The following PXN variants were observed in gnomAD, a reference collection of about 807,000 sequenced individuals.
The protein encoded by PXN is testicular tissue protein Li 134.
PXN carries 61 observed loss-of-function variants against 103.6 expected under a neutral mutation model. The ratio of observed to expected loss-of-function variants is 0.59; its 90% CI spans 0.48 to 0.73. PXN has a LOEUF of 0.73. Ranked by LOEUF, PXN falls within the 30% of genes least tolerant of loss-of-function variation. The pLI is 0.00. For missense variants in PXN, 1,274 were observed against 1,460.3 expected (o/e 0.87, Z 2.08); for synonymous variants, 562 against 607.8 (o/e 0.92, Z 1.11).
At chr12:120,223,032 G>T in intron 3 of PXN, 33 bp from the exon 4 acceptor site, 1 of 1,613,892 alleles carries the variant, frequency 6.2e-7, no homozygotes, top group East Asian at 2.2e-5. Context: ...GATAGTGAGA[G>T]ATGCTTTCTG....
rs999951025 is a variant in PXN, at chr12:120,217,592, T to G, written c.1717-476A>C. Among the ~76,000 whole-genome samples the G allele has an allele frequency of 4.6e-5, 7 of 151,494 alleles. No homozygotes were observed. The highest frequency in any genetic ancestry group is 7.3e-5 in the African/African-American group (3 of 41,282). ...GTGTTTCCTTCCAGGAACTTTTTTT[T>G]GGGGGGGGACAGAGTCTCGCTCTGT... On this transcript the variant is annotated intron_variant, in intron 7 of 14. Coordinates refer to ENST00000637617, the MANE Select transcript of PXN (RefSeq NM_001385981.1). The surrounding 1 kb of genome is among the most constrained non-coding windows in gnomAD (Gnocchi z 4.1).
At position 120,265,698 on chromosome 12, in the gene PXN, G is replaced by A. The variant is rs1475576323; in HGVS notation, c.-69C>T. ...TCCCGGGGCCGCTCGTCTATGCCCC[G>A]CAACTTTTCCGCCGCGAGCCTCGGC... is the stretch of plus-strand genomic sequence containing the variant. On this transcript the variant is annotated 5_prime_UTR_variant, in exon 1 of 15. Coordinates refer to ENST00000637617, the MANE Select transcript of PXN (RefSeq NM_001385981.1). This position sits in a 1 kb window ranked among gnomAD's most constrained non-coding sequence, Gnocchi z 5.7. The A allele has an allele frequency of 7.0e-6, 9 of 1,294,470 alleles. No homozygotes were observed. The South Asian group carries it at 1.4e-4, about 20-fold the overall frequency. The allele number at this position is 1,294,470 out of a possible 1,614,324, so 80.2% of individuals were successfully genotyped here.
In PXN at chr12:120,216,637, A is replaced by G; in HGVS notation, c.1993-56T>C. The G allele has an allele frequency of 6.5e-7, 1 of 1,545,146 alleles. No homozygotes were observed. Among genetic ancestry groups the G allele is most frequent in the Non-Finnish European group, 8.6e-7 (1 of 1,162,954 alleles). On this transcript the variant is annotated intron_variant, in intron 8 of 14. Transcript: ENST00000637617. The surrounding 1 kb of genome is among the most constrained non-coding windows in gnomAD (Gnocchi z 5.1). ...GGAAGAAATCGCCAGCTCAGCCCAC[A>G]GGGGTGGCGGGACCTCCCCAGGCTC...
Position 120,222,866 on chromosome 12 carries a change from C to T in PXN, c.490G>A (p.Ala164Thr), listed in dbSNP as rs767587696. 7 of 1,613,588 alleles carry T rather than the reference C, an allele frequency of 4.3e-6. No homozygotes were observed. The South Asian group carries it at 7.7e-5, about 18-fold the overall frequency. ...TGCCCCAGGGACCCGGTCCTACCTGCAGGGAAGCCTGGCGGGTTATGCTGT... is the reference window on the plus strand; with the variant it reads ...TGCCCCAGGGACCCGGTCCTACCTGTAGGGAAGCCTGGCGGGTTATGCTGT... Reference protein sequence around the residue: ...AVQHNPPGFPADEANSSPPLP... With the variant: ...AVQHNPPGFPTDEANSSPPLP... The change falls in exon 4 of 15, where the codon GCA becomes ACA. Residue 164 changes from alanine to threonine, a missense_variant. This residue lies in a region of PXN where 1,178 missense variants were observed against 1,309.0 expected (regional missense o/e 0.90). Transcript: ENST00000637617. The surrounding 1 kb of genome is among the most constrained non-coding windows in gnomAD (Gnocchi z 4.7).
chr12:120,235,581 C>T (rs941911887), intron 1 of PXN, among the ~76,000 whole-genome samples: 4 of 152,122 alleles, frequency 2.6e-5, no homozygotes, highest in Non-Finnish European at 5.9e-5. Flanking sequence ...AACACACATC[C>T]CCAGAGCCCC....
chr12:120,251,543 T>C (rs967092195), intron 1 of PXN, among the ~76,000 whole-genome samples: 1 of 148,620 alleles, frequency 6.7e-6, no homozygotes, highest in African/African-American at 2.5e-5. Context: ...AACAGGCCGC[T>C]GCGGTGGCTC....
rs748423047 is a variant in PXN, at chr12:120,219,961, G to A, written c.962C>T (p.Pro321Leu). ...VFLPPTTIPS[P>L]RGQGHTPEFP... is the part of the protein sequence containing the mutation. ...CTCCGGAGTGTGGCCCTGGCCTCGAGGGGAGGGTATAGTGGTGGGTGGCAG... is the reference window on the plus strand; with the variant it reads ...CTCCGGAGTGTGGCCCTGGCCTCGAAGGGAGGGTATAGTGGTGGGTGGCAG... The change falls in exon 7 of 15, where the codon CCT (proline) becomes CTT (leucine). Residue 321 changes from proline (P) to leucine (L), a missense_variant. Physicochemically the swap from Pro to Leu is moderately conservative, Grantham distance 98. Coordinates refer to ENST00000637617, the MANE Select transcript of PXN (RefSeq NM_001385981.1). The surrounding 1 kb of genome is among the most constrained non-coding windows in gnomAD (Gnocchi z 6.5). 3.1e-6 allele frequency: 5 copies of A among 1,596,466 alleles called. No individual in the cohort carries two copies. The highest frequency in any genetic ancestry group is 2.5e-6 in the Non-Finnish European group (3 of 1,178,018).
chr12:120,238,277 A>T (rs1456268907), intron 1 of PXN, among the ~76,000 whole-genome samples: 2 of 152,216 alleles, frequency 1.3e-5, no homozygotes, highest in African/African-American at 4.8e-5. Flanking sequence ...AACTCAAATG[A>T]GACCACGTCG....
rs1297548859 is a variant in PXN at position 120,265,192 on chromosome 12, G to A, written c.13+425C>T. On this transcript the variant is annotated intron_variant, in intron 1 of 14. Coordinates refer to ENST00000637617, the MANE Select transcript of PXN (RefSeq NM_001385981.1). This position sits in a 1 kb window ranked among gnomAD's most constrained non-coding sequence, Gnocchi z 5.7. ...ATGAGATCGGGCAGCTGCTCCCCGA[G>A]TTGGGCGGTCGATCTGTGAGGTGGG... Among the ~76,000 whole-genome samples the A allele has an allele frequency of 2.0e-5, 3 of 148,540 alleles. No individual in the cohort carries two copies. The highest frequency in any genetic ancestry group is 4.5e-5 in the Non-Finnish European group (3 of 66,952).
rs183378156 is a variant in PXN at position 120,229,219 on chromosome 12, C to T, written c.14-4842G>A. ...CCGGTTGATCCACTGACGCATGGCA[C>T]TCAATATCAGATTAAAGAGAATCAA... On this transcript the variant is annotated intron_variant, in intron 1 of 14. Coordinates refer to ENST00000637617, the MANE Select transcript of PXN (RefSeq NM_001385981.1). This position sits in a 1 kb window ranked among gnomAD's most constrained non-coding sequence, Gnocchi z 4.0. 6.6e-6 allele frequency among the ~76,000 whole-genome samples: 1 copy of T among 152,306 alleles called. No homozygotes were observed. The highest frequency in any genetic ancestry group is 6.5e-5 in the Admixed American group (1 of 15,302).
At chr12:120,248,108 G>C (rs775595203) in intron 1 of PXN, among the ~76,000 whole-genome samples, 6 of 152,146 alleles carry the variant, frequency 3.9e-5, no homozygotes, top group Admixed American at 6.5e-5. Context: ...CTCAATAATT[G>C]AGAAAAAACT....
chr12:120,211,984 A>G lies in PXN; in HGVS notation c.*330T>C, dbSNP rs768522912. 3.4e-6 allele frequency: 2 copies of G among 589,344 alleles called. No individual in the cohort carries two copies. The highest frequency in any genetic ancestry group is 2.8e-5 in the South Asian group (2 of 72,210). The allele number at this position is 589,344 out of a possible 1,614,324, so 36.5% of individuals were successfully genotyped here. On this transcript the variant is annotated 3_prime_UTR_variant, in exon 15 of 15. Coordinates refer to ENST00000637617, the MANE Select transcript of PXN (RefSeq NM_001385981.1). ...CGGCTGCACTGCTGAAATATGAGGA[A>G]GAGATGGCTCCAGTGTGGGGTGCTG...
rs1208891623 is a variant in PXN, at chr12:120,215,822, C to T, written c.2302-161G>A. ...GGGGAAAAAATCTGGAGAAAAAGAG[C>T]CCTGAGAGAGAGGCCTAGGGAGAAA... On this transcript the variant is annotated intron_variant, in intron 9 of 14. Transcript: ENST00000637617. The surrounding 1 kb of genome is among the most constrained non-coding windows in gnomAD (Gnocchi z 4.9). 6.2e-6 allele frequency: 8 copies of T among 1,285,382 alleles called. No individual in the cohort carries two copies. The African/African-American group carries it at 1.1e-4, about 17-fold the overall frequency. 79.6% of individuals were successfully genotyped at this position (1,285,382 alleles called of 1,614,324 possible). A position where few individuals can be genotyped will look rare whatever the true frequency, so the allele number is the denominator to read the frequency against.
Position 120,219,142 on chromosome 12 carries a change from G to T in PXN, c.1716+65C>A. On this transcript the variant is annotated intron_variant, in intron 7 of 14. Coordinates refer to ENST00000637617, the MANE Select transcript of PXN (RefSeq NM_001385981.1). This position sits in a 1 kb window ranked among gnomAD's most constrained non-coding sequence, Gnocchi z 6.5. The stretch of plus-strand genomic sequence containing the variant: ...GAGTGGGAGGCTGCATGCAGTTAGC[G>T]AGGAGCGGCCCACACTCAGACCCGC... The T allele has an allele frequency of 1.4e-6, 2 of 1,414,972 alleles. No individual in the cohort carries two copies. The highest frequency in any genetic ancestry group is 1.4e-5 in the South Asian group (1 of 71,244). 87.7% of individuals were successfully genotyped at this position (1,414,972 alleles called of 1,614,324 possible).
At chr12:120,242,592 A>T (rs1322360576) in intron 1 of PXN, among the ~76,000 whole-genome samples, 2 of 152,196 alleles carry the variant, frequency 1.3e-5, no homozygotes, top group East Asian at 1.9e-4. Flanking sequence ...GCACAGATAA[A>T]GCTCATCTCA....
chr12:120,210,838 C>G lies in PXN; in HGVS notation c.*1476G>C, dbSNP rs1879998216. ...GGAGCCCAAGGCCTGGCTCCTCTTT[C>G]ATCCTTGGTAAAGAGCTCTGGGGGG... On this transcript the variant is annotated 3_prime_UTR_variant, in exon 15 of 15. Coordinates refer to ENST00000637617, the MANE Select transcript of PXN (RefSeq NM_001385981.1). 6.5e-6 allele frequency: 1 copy of G among 152,700 alleles called. No homozygotes were observed. The highest frequency in any genetic ancestry group is 2.1e-4 in the South Asian group (1 of 4,836). 9.5% of individuals were successfully genotyped at this position (152,700 alleles called of 1,614,324 possible). A position where few individuals can be genotyped will look rare whatever the true frequency, so the allele number is the denominator to read the frequency against.
intron 1 of PXN, among the ~76,000 whole-genome samples, chr12:120,253,672 T>TA (rs1200658518): frequency 6.6e-6 from 1 of 152,042 alleles, no homozygotes; most frequent in African/African-American, 2.4e-5. Context: ...CAGAACCATA[T>TA]AAAAAATGAT....
chr12:120,251,546 G>A lies in PXN; in HGVS notation c.13+14071C>T, dbSNP rs186186022. Among the ~76,000 whole-genome samples the A allele has an allele frequency of 3.7e-4, 56 of 151,962 alleles. 1 individual carries two copies. Among genetic ancestry groups the A allele is most frequent in the African/African-American group, 1.2e-3 (50 of 41,436 alleles). Reference sequence around the variant, plus strand: ...AATAAATAAACAAACAGGCCGCTGCGGTGGCTCACTCCTGTAATCCCAGCA... The same window carrying A: ...AATAAATAAACAAACAGGCCGCTGCAGTGGCTCACTCCTGTAATCCCAGCA... On this transcript the variant is annotated intron_variant, in intron 1 of 14. Transcript: ENST00000637617.
chr12:120,211,677 G>C lies in PXN; in HGVS notation c.*637C>G. The stretch of plus-strand genomic sequence containing the variant: ...AAGTGACTAGAAAACATTATTGCTG[G>C]AGAGGCTTTTCTCAGTAGAACAAGA... On this transcript the variant is annotated 3_prime_UTR_variant, in exon 15 of 15. Coordinates refer to ENST00000637617, the MANE Select transcript of PXN (RefSeq NM_001385981.1). 1 of 317,506 alleles carries C rather than the reference G, an allele frequency of 3.1e-6. No individual in the cohort carries two copies. Among genetic ancestry groups the C allele is most frequent in the Non-Finnish European group, 6.3e-6 (1 of 157,924 alleles). The allele number at this position is 317,506 out of a possible 1,614,324, so 19.7% of individuals were successfully genotyped here.
Sources: gnomAD v4.1 joint callset for allele counts (sites outside exome capture counted in the v4.1 genomes callset) on GRCh38, gnomAD v4.1.1 for gene constraint, gnomAD v4.1.1 regional missense constraint, Gnocchi (gnomAD v3.1) non-coding constraint, MANE v1.5 for transcripts, NCBI Gene and HGNC (gene_info 2026-07-23, HGNC 2026-07-21) for gene names.